The following SEMA6A variants were observed in gnomAD, a reference collection of about 807,000 sequenced individuals.
SEMA6A encodes semaphorin-6A.
Under a neutral mutation model 96.8 loss-of-function variants are expected in SEMA6A, and 25 were observed. The ratio of observed to expected loss-of-function variants is 0.26; its 90% CI spans 0.19 to 0.36. The LOEUF is 0.36. SEMA6A is among the 10% of genes least tolerant of loss of function. The pLI is 1.00. For synonymous variants in SEMA6A, 612 were observed against 518.0 expected (o/e 1.18, Z -2.46); for missense variants, 1,363 against 1,323.1 (o/e 1.03, Z -0.47).
intron 1 of SEMA6A, among the ~76,000 whole-genome samples, chr5:116,546,235 GAC>G (rs1158255325): frequency 6.6e-6 from 1 of 152,206 alleles, no homozygotes; most frequent in African/African-American, 2.4e-5. Flanking sequence ...GGCTTCCTAT[GAC>G]ACAGAGTCAC....
In SEMA6A at chr5:116,478,632, A is replaced by G. The variant is rs1190736924; in HGVS notation, c.1337T>C (p.Ile446Thr). The change falls in exon 13 of 19, where the codon ATC becomes ACC. Residue 446 changes from isoleucine to threonine, a missense_variant. Physicochemically the swap from Ile to Thr is moderately conservative, Grantham distance 89. Transcript: ENST00000343348. ...TVVFLGSEKGIILKFLARIGN... is the reference protein window; with the variant it reads ...TVVFLGSEKGTILKFLARIGN... Reference sequence around the variant, plus strand: ...TATTCTGGCCAAAAACTTCAAGATGATTCCCTTCTCTGATCCCAGAAAAAC... The same window carrying G: ...TATTCTGGCCAAAAACTTCAAGATGGTTCCCTTCTCTGATCCCAGAAAAAC... 1 of 1,613,618 alleles carries G rather than the reference A, an allele frequency of 6.2e-7. No individual in the cohort carries two copies. The highest frequency in any genetic ancestry group is 8.5e-7 in the Non-Finnish European group (1 of 1,179,812).
At chr5:116,513,249 TC>T (rs1250683023) in intron 1 of SEMA6A, among the ~76,000 whole-genome samples, 1 of 152,110 alleles carries the variant, frequency 6.6e-6, no homozygotes, top group Non-Finnish European at 1.5e-5. Flanking sequence ...TGCTCCAGCC[TC>T]CTGAGTAGCT....
At chr5:116,500,937 G>A (rs973979672) in intron 3 of SEMA6A, among the ~76,000 whole-genome samples, 6 of 152,222 alleles carry the variant, frequency 3.9e-5, no homozygotes, top group South Asian at 2.1e-4. Flanking sequence ...ACCCTGGTGC[G>A]GGGGAGGAGG....
intron 1 of SEMA6A, among the ~76,000 whole-genome samples, chr5:116,559,210 T>C (rs1464986246): frequency 1.3e-5 from 2 of 152,164 alleles, no homozygotes; most frequent in Admixed American, 1.3e-4. Context: ...ATTTCAGCAG[T>C]CTTTGTGAAG....
At chr5:116,459,803 A>G (rs1023596831) in intron 18 of SEMA6A, among the ~76,000 whole-genome samples, 11 of 152,138 alleles carry the variant, frequency 7.2e-5, no homozygotes, top group Non-Finnish European at 1.5e-4. Context: ...ACCTTTGGGT[A>G]TCCCTCACTA....
chr5:116,559,317 G>C (rs894662830), intron 1 of SEMA6A, among the ~76,000 whole-genome samples: 1 of 152,122 alleles, frequency 6.6e-6, no homozygotes, highest in African/African-American at 2.4e-5. Flanking sequence ...GGCCCAGTCC[G>C]CAAGGCCTGG....
At chr5:116,543,967 A>C (rs940956985) in intron 1 of SEMA6A, among the ~76,000 whole-genome samples, 3 of 152,208 alleles carry the variant, frequency 2.0e-5, no homozygotes, top group African/African-American at 7.2e-5. Flanking sequence ...GTCTTTGCTT[A>C]TATGACAGTA....
At chr5:116,452,971 T>C (rs916339272) in intron 18 of SEMA6A, among the ~76,000 whole-genome samples, 13 of 152,238 alleles carry the variant, frequency 8.5e-5, no homozygotes, top group Non-Finnish European at 1.8e-4. Context: ...GTCCAAAGTG[T>C]GGCTATGTCA....
intron 17 of SEMA6A, chr5:116,471,284 T>G (rs1159664559): frequency 2.1e-4 from 32 of 152,110 alleles, no homozygotes. Context: ...GTAAAGGAAA[T>G]AAGAGAGAAC....
intron 1 of SEMA6A, chr5:116,554,631 A>G (rs1181477270): frequency 6.6e-6 from 1 of 152,226 alleles, no homozygotes; most frequent in African/African-American, 2.4e-5. Context: ...CTTTGGTGAG[A>G]GGTGGGTGGT....
chr5:116,461,423 T>C (rs1037844573), intron 18 of SEMA6A, among the ~76,000 whole-genome samples: 14 of 152,182 alleles, frequency 9.2e-5, no homozygotes, highest in Non-Finnish European at 1.5e-4. Flanking sequence ...AATAGGATCA[T>C]TTTTACTAAT....
chr5:116,521,256 G>A (rs1211449115), intron 1 of SEMA6A, among the ~76,000 whole-genome samples: 1 of 152,220 alleles, frequency 6.6e-6, no homozygotes, highest in African/African-American at 2.4e-5. Flanking sequence ...TCCTGGGACT[G>A]TCAAGCACTG....
chr5:116,468,767 T>G (rs927960321), intron 17 of SEMA6A: 1 of 152,148 alleles, frequency 6.6e-6, no homozygotes, highest in Non-Finnish European at 1.5e-5. Flanking sequence ...CAGAACAACC[T>G]CTTGAACAAT....
chr5:116,466,334 G>A (rs1302696298), intron 18 of SEMA6A, among the ~76,000 whole-genome samples: 3 of 146,086 alleles, frequency 2.1e-5, no homozygotes, highest in South Asian at 4.3e-4. Context: ...AGCTGAGATC[G>A]CACCACTGCA....
intron 18 of SEMA6A, chr5:116,449,918 CG>C (rs1487266336): frequency 6.6e-6 from 1 of 152,194 alleles, no homozygotes; most frequent in Non-Finnish European, 1.5e-5. Flanking sequence ...AAAAAACAGC[CG>C]GAAATTTGGC....
chr5:116,472,881 T>G (rs937307177), intron 17 of SEMA6A, 192 bp downstream of exon 17: 51 of 1,486,622 alleles, frequency 3.4e-5, no homozygotes, highest in Non-Finnish European at 4.2e-5. Context: ...ATCCGTAAAC[T>G]GACCATACAC....
At chr5:116,491,951 C>A in intron 6 of SEMA6A, 121 bp from the exon 7 acceptor site, 1 of 716,134 alleles carries the variant, frequency 1.4e-6, no homozygotes, top group Non-Finnish European at 2.4e-6. Context: ...GAGATGGACC[C>A]TGTTGAAGCC....
chr5:116,460,287 A>G lies in SEMA6A; in HGVS notation c.1894+7296T>C, dbSNP rs148483286. On this transcript the variant is annotated intron_variant, in intron 18 of 18. Coordinates refer to ENST00000343348, the MANE Select transcript of SEMA6A (RefSeq NM_020796.5). ...AATAATAATCTTTAAATTACTCTTTATCACATTTCAAACACATATATAATA... is the reference window on the plus strand; with the variant it reads ...AATAATAATCTTTAAATTACTCTTTGTCACATTTCAAACACATATATAATA... 2.0e-3 allele frequency among the ~76,000 whole-genome samples: 303 copies of G among 152,308 alleles called. 2 individuals carry two copies. The highest frequency in any genetic ancestry group is 3.1e-3 in the Non-Finnish European group (209 of 68,024).
intron 1 of SEMA6A, among the ~76,000 whole-genome samples, chr5:116,570,759 C>T (rs1230087637): frequency 6.6e-6 from 1 of 152,222 alleles, no homozygotes; most frequent in Admixed American, 6.5e-5. Context: ...TCTGACTTAA[C>T]TCCTGGTTCA....
Sources: allele counts gnomAD v4.1 joint callset (sites outside exome capture counted in the v4.1 genomes callset), GRCh38; gene constraint gnomAD v4.1.1; transcripts MANE v1.5; gene names NCBI Gene and HGNC (gene_info 2026-07-23, HGNC 2026-07-21).